MRPL13: variants seen among roughly 807,000 people sequenced by gnomAD.
MRPL13 encodes the protein large ribosomal subunit protein uL13m.
MRPL13 carries 33 observed loss-of-function variants against 29.0 expected under a neutral mutation model. The ratio of observed to expected loss-of-function variants is 1.14; its 90% CI spans 0.86 to 1.52. The LOEUF (loss-of-function observed/expected upper bound fraction) is 1.52. Ranked by LOEUF, MRPL13 falls within the 40% of genes most tolerant of loss-of-function variation. The pLI, the probability that MRPL13 is intolerant of heterozygous loss-of-function variation, is 0.00. For synonymous variants in MRPL13, 77 were observed against 68.4 expected (o/e 1.13, Z -0.62); for missense variants, 227 against 216.7 (o/e 1.05, Z -0.30).
chr8:120,426,035 C>A (rs972240759), intron 3 of MRPL13, among the ~76,000 whole-genome samples: 49 of 152,022 alleles, frequency 3.2e-4, no homozygotes, highest in African/African-American at 1.2e-3. Flanking sequence ...TAATATCAGG[C>A]AACTCATTTT....
At chr8:120,397,427 C>G (rs1812537424) in intron 6 of MRPL13, among the ~76,000 whole-genome samples, 1 of 152,186 alleles carries the variant, frequency 6.6e-6, no homozygotes, top group African/African-American at 2.4e-5. Flanking sequence ...GATTGGAAAT[C>G]CAGCCAACCA....
intron 6 of MRPL13, among the ~76,000 whole-genome samples, chr8:120,398,951 A>G (rs1422104434): frequency 6.6e-6 from 1 of 152,098 alleles, no homozygotes. Context: ...ACACACACAC[A>G]CACAGAATGA....
chr8:120,413,313 G>A (rs1371921370), intron 6 of MRPL13, among the ~76,000 whole-genome samples: 3 of 152,156 alleles, frequency 2.0e-5, no homozygotes, highest in Admixed American at 6.6e-5. Flanking sequence ...AAGAAAGACA[G>A]ATAGTAAACA....
intron 6 of MRPL13, among the ~76,000 whole-genome samples, chr8:120,410,183 T>C (rs1812724799): frequency 6.6e-6 from 1 of 152,236 alleles, no homozygotes; most frequent in Non-Finnish European, 1.5e-5. Flanking sequence ...TAAGTTTTAT[T>C]ACTAGGGCAG....
chr8:120,419,830 T>C (rs772283027), intron 5 of MRPL13, 22 bp downstream of exon 5: 14 of 1,550,088 alleles, frequency 9.0e-6, no homozygotes, highest in Middle Eastern at 1.7e-4. Context: ...AAAAGCATTG[T>C]TACCAATGAC....
chr8:120,400,742 A>AAATAAAT (rs1491384934), intron 6 of MRPL13, among the ~76,000 whole-genome samples: 62 of 76,760 alleles, frequency 8.1e-4, no homozygotes, highest in African/African-American at 4.0e-3. Context: ...ATAAATAAAT[A>AAATAAAT]AAAAAAATAG....
chr8:120,412,715 G>A (rs1484090569), intron 6 of MRPL13, among the ~76,000 whole-genome samples: 2 of 152,066 alleles, frequency 1.3e-5, no homozygotes, highest in African/African-American at 4.8e-5. Flanking sequence ...ATTTCTAAGG[G>A]TTTCTAAGTA....
chr8:120,443,337 AGG>A, intron 1 of MRPL13, 29 bp from the exon 2 acceptor site: 3 of 1,503,838 alleles, frequency 2.0e-6, no homozygotes, highest in South Asian at 1.3e-5. Context: ...AAAAAAGAAG[AGG>A]AAAAAATAAA....
In MRPL13 at chr8:120,419,949, T is replaced by C; in HGVS notation, c.307-11A>G. On this transcript the variant is annotated splice_polypyrimidine_tract_variant and intron_variant, in intron 4 of 6. Transcript: ENST00000306185. ...AGCTAGTTTTACAATCTGAAAGATA[T>C]ACATAGGACACAATAAGAAAATTGT... 6.5e-7 allele frequency: 1 copy of C among 1,531,570 alleles called. No homozygotes were observed. Among genetic ancestry groups the C allele is most frequent in the Non-Finnish European group, 8.8e-7 (1 of 1,133,662 alleles). 94.9% of individuals were successfully genotyped at this position (1,531,570 alleles called of 1,614,324 possible). A position where few individuals can be genotyped will look rare whatever the true frequency, so the allele number is the denominator to read the frequency against.
At chr8:120,444,827 C>G in intron 1 of MRPL13, 39 of 378,768 alleles carry the variant, frequency 1.0e-4, no homozygotes, top group East Asian at 1.3e-4. Flanking sequence ...TAATCCTCTT[C>G]CCCCCGCCCC....
chr8:120,438,445 C>T (rs760087956), intron 2 of MRPL13, among the ~76,000 whole-genome samples: 15 of 152,168 alleles, frequency 9.9e-5, no homozygotes, highest in African/African-American at 2.4e-4. Context: ...GTATCCTAGC[C>T]GAATGCCTAT....
rs1268462878 is a variant in MRPL13 at position 120,400,797 on chromosome 8, C to A, written c.516-4672G>T. 2.6e-5 allele frequency among the ~76,000 whole-genome samples: 4 copies of A among 151,764 alleles called. No individual in the cohort carries two copies. In the East Asian group the frequency reaches 7.7e-4, roughly 29 times the overall value. The stretch of plus-strand genomic sequence containing the variant: ...AAGGAGAAGAGAGAGGAGAATCAGA[C>A]ACAATCAGAAATGATAAGGGGGTAT... On this transcript the variant is annotated intron_variant, in intron 6 of 6. Coordinates refer to ENST00000306185, the MANE Select transcript of MRPL13 (RefSeq NM_014078.6).
chr8:120,430,662 A>T (rs909869879), intron 3 of MRPL13, among the ~76,000 whole-genome samples: 3 of 152,168 alleles, frequency 2.0e-5, no homozygotes, highest in Non-Finnish European at 4.4e-5. Context: ...GGCAGAAAGG[A>T]ATGAAATAGC....
intron 1 of MRPL13, 115 bp from the exon 2 acceptor site, chr8:120,443,423 T>A (rs1813151259): frequency 9.9e-7 from 1 of 1,012,606 alleles, no homozygotes. Flanking sequence ...ACAATTAATG[T>A]CAACAATTTC....
At chr8:120,419,224 T>TA (rs1242589398) in intron 5 of MRPL13, among the ~76,000 whole-genome samples, 1 of 151,956 alleles carries the variant, frequency 6.6e-6, no homozygotes, top group East Asian at 1.9e-4. Context: ...AGTCAGTAAA[T>TA]AATGGGGCAC....
At chr8:120,444,048 C>T (rs1447388706) in intron 1 of MRPL13, among the ~76,000 whole-genome samples, 4 of 151,870 alleles carry the variant, frequency 2.6e-5, no homozygotes, top group African/African-American at 9.7e-5. Flanking sequence ...GCTAGCTGGT[C>T]TTATTTTAAA....
rs1563768627 is a variant in MRPL13 at position 120,395,916 on chromosome 8, T to C, written c.*188A>G. The C allele has an allele frequency of 6.0e-6, 3 of 502,128 alleles. No individual in the cohort carries two copies. The highest frequency in any genetic ancestry group is 1.1e-5 in the Non-Finnish European group (3 of 281,008). The allele number at this position is 502,128 out of a possible 1,614,324, so 31.1% of individuals were successfully genotyped here. A position where few individuals can be genotyped will look rare whatever the true frequency, so the allele number is the denominator to read the frequency against. On this transcript the variant is annotated 3_prime_UTR_variant, in exon 7 of 7. Coordinates refer to ENST00000306185, the MANE Select transcript of MRPL13 (RefSeq NM_014078.6). ...ATCAGATTACATAAAAATGGTTCTA[T>C]AAAATTATATTTTAATTACAATTTC...
At chr8:120,416,436 G>C (rs1812804695) in intron 5 of MRPL13, among the ~76,000 whole-genome samples, 1 of 152,214 alleles carries the variant, frequency 6.6e-6, no homozygotes, top group African/African-American at 2.4e-5. Flanking sequence ...GGAGCTTGCA[G>C]TGAGCCCAGA....
At chr8:120,405,005 C>T (rs1452342715) in intron 6 of MRPL13, among the ~76,000 whole-genome samples, 1 of 152,134 alleles carries the variant, frequency 6.6e-6, no homozygotes, top group Non-Finnish European at 1.5e-5. Flanking sequence ...TACAGTGACC[C>T]CCTTGAAAAT....
Sources: allele counts gnomAD v4.1 joint callset (sites outside exome capture counted in the v4.1 genomes callset), GRCh38; gene constraint gnomAD v4.1.1; transcripts MANE v1.5; gene names NCBI Gene and HGNC (gene_info 2026-07-23, HGNC 2026-07-21).